The following SETX variants were observed in gnomAD, a reference collection of about 807,000 sequenced individuals.
The protein encoded by SETX is senataxin.
In SETX, 90 loss-of-function variants were observed where a neutral mutation model predicts 227.2. The ratio of observed to expected loss-of-function variants is 0.40; its 90% CI spans 0.33 to 0.47. SETX has a LOEUF of 0.47. Ranked by LOEUF, SETX falls within the 20% of genes least tolerant of loss-of-function variation. The pLI is 0.91. For missense variants in SETX, 3,052 were observed against 3,181.5 expected, an observed-to-expected ratio of 0.96 and a Z score of 0.98; for synonymous variants, 1,210 against 1,113.2, an observed-to-expected ratio of 1.09 and a Z score of -1.73.
intron 10 of SETX, among the ~76,000 whole-genome samples, chr9:132,316,676 C>T (rs12343347): frequency 0.054 from 8,294 of 152,230 alleles, 373 homozygotes; most frequent in East Asian, 0.17. Flanking sequence ...CCATCCTTTC[C>T]CCACTGATTT....
chr9:132,352,977 C>T (rs190322160), intron 2 of SETX, among the ~76,000 whole-genome samples: 5 of 152,284 alleles, frequency 3.3e-5, no homozygotes, highest in African/African-American at 7.2e-5. Flanking sequence ...TCAGTGCAAC[C>T]GCCACTGCCT....
At chr9:132,310,840 T>C (rs1845608490) in intron 11 of SETX, among the ~76,000 whole-genome samples, 1 of 152,248 alleles carries the variant, frequency 6.6e-6, no homozygotes, top group Admixed American at 6.5e-5. Flanking sequence ...TGTAGACCTT[T>C]ATGATGATCC....
intron 10 of SETX, among the ~76,000 whole-genome samples, chr9:132,325,285 G>C (rs1020935092): frequency 6.6e-6 from 1 of 152,148 alleles, no homozygotes; most frequent in African/African-American, 2.4e-5. Context: ...GAACCCGGGA[G>C]GCAGAGCTTG....
intron 20 of SETX, among the ~76,000 whole-genome samples, chr9:132,279,367 A>G (rs1007340278): frequency 9.9e-5 from 15 of 152,192 alleles, no homozygotes; most frequent in African/African-American, 3.6e-4. Flanking sequence ...TACATATGTA[A>G]CAAACCTGCA....
At position 132,261,823 on chromosome 9, in the gene SETX, T is replaced by C. The variant is rs1478087639; in HGVS notation, c.*2416A>G. 1 of 154,756 alleles carries C rather than the reference T, an allele frequency of 6.5e-6. No individual in the cohort carries two copies. The highest frequency in any genetic ancestry group is 2.4e-5 in the African/African-American group (1 of 41,522). The allele number at this position is 154,756 out of a possible 1,614,324, so 9.6% of individuals were successfully genotyped here. Reference sequence around the variant, plus strand: ...CAAGCTTTTAAGTAGCACATATTCATTTGAAATAACTAATATTGAAAGAAG... The same window carrying C: ...CAAGCTTTTAAGTAGCACATATTCACTTGAAATAACTAATATTGAAAGAAG... On this transcript the variant is annotated 3_prime_UTR_variant, in exon 26 of 26. Coordinates refer to ENST00000224140, the MANE Select transcript of SETX (RefSeq NM_015046.7).
chr9:132,280,651 C>A (rs1564481357), intron 20 of SETX, among the ~76,000 whole-genome samples: 1 of 152,204 alleles, frequency 6.6e-6, no homozygotes, highest in African/African-American at 2.4e-5. Context: ...AACAAAAATG[C>A]TTTGAAAATG....
intron 11 of SETX, among the ~76,000 whole-genome samples, chr9:132,308,400 T>C (rs544319540): frequency 1.0e-4 from 13 of 128,688 alleles, no homozygotes; most frequent in African/African-American, 5.0e-4. Flanking sequence ...CAGACCATGA[T>C]TAACTCTATA....
At chr9:132,269,808 G>A in intron 24 of SETX, 106 bp from the exon 25 acceptor site, 1 of 1,163,690 alleles carries the variant, frequency 8.6e-7, no homozygotes, top group South Asian at 1.2e-5. Flanking sequence ...GTCTGACAGA[G>A]GTGGAATCTT....
Position 132,278,142 on chromosome 9 carries a change from TG to T in SETX, c.6769del (p.Gln2257SerfsTer21), listed in dbSNP as rs764124866. 1 of 1,614,204 alleles carries T rather than the reference TG, an allele frequency of 6.2e-7. No homozygotes were observed. Among genetic ancestry groups the T allele is most frequent in the South Asian group, 1.1e-5 (1 of 91,086 alleles). ...GCATATGTCTGGATGCATCCTGTAC[TG>T]AACAGTGAGCTGTAGAATGGGCAGC... Reference protein sequence around the residue: ...SRLPILQLTVQYRMHPDICLF... With the variant: ...SRLPILQLTVXYRMHPDICLF... On this transcript the variant is annotated frameshift_variant, in exon 21 of 26. Transcript: ENST00000224140. LOFTEE classifies it high-confidence loss of function.
At chr9:132,281,290 A>C (rs1392408069) in intron 20 of SETX, among the ~76,000 whole-genome samples, 177 bp downstream of exon 20, 2 of 152,208 alleles carry the variant, frequency 1.3e-5, no homozygotes, top group African/African-American at 4.8e-5. Flanking sequence ...AACTATGACC[A>C]AATGGACATT....
chr9:132,317,973 C>A (rs1024339621), intron 10 of SETX, among the ~76,000 whole-genome samples: 2 of 152,132 alleles, frequency 1.3e-5, no homozygotes, highest in Non-Finnish European at 2.9e-5. Context: ...AAATCTTGGT[C>A]TTAATTTATC....
rs183666640 is a variant in SETX at position 132,333,692 on chromosome 9, A to C, written c.838+916T>G. Among the ~76,000 whole-genome samples the C allele has an allele frequency of 4.6e-5, 7 of 152,240 alleles. No homozygotes were observed. The East Asian group carries it at 1.2e-3, about 25-fold the overall frequency. ...TTAGCATGATACAAGCATCAGCAAAAGGAGGTCAGGATCTAATAATAAACA... is the reference window on the plus strand; with the variant it reads ...TTAGCATGATACAAGCATCAGCAAACGGAGGTCAGGATCTAATAATAAACA... On this transcript the variant is annotated intron_variant, in intron 7 of 25. Transcript: ENST00000224140.
rs1211328127 is a variant in SETX, at chr9:132,288,101, A to G, written c.6324+135T>C. On this transcript the variant is annotated intron_variant, in intron 17 of 25. Coordinates refer to ENST00000224140, the MANE Select transcript of SETX (RefSeq NM_015046.7). ...TGAGGCAGGAGGATCACCTGAACCC[A>G]GGAAGGTGAGGCTGCAGTGAGTCAG... 1.7e-5 allele frequency: 12 copies of G among 705,752 alleles called. No individual in the cohort carries two copies. The East Asian group carries it at 2.0e-4, about 12-fold the overall frequency. 43.7% of individuals were successfully genotyped at this position (705,752 alleles called of 1,614,324 possible). A position where few individuals can be genotyped will look rare whatever the true frequency, so the allele number is the denominator to read the frequency against.
At position 132,349,440 on chromosome 9, in the gene SETX, AG is replaced by A. The variant is rs761359715; in HGVS notation, c.-7-6del. ...CAACATGTGCTCATTCTGTACCTAC[AG>A]CCAGAAAAGATGACATCAAGAAGAA... On this transcript the variant is annotated splice_polypyrimidine_tract_variant and splice_region_variant and intron_variant, in intron 2 of 25. Transcript: ENST00000224140. 118 of 1,614,040 alleles carry A rather than the reference AG, an allele frequency of 7.3e-5. No homozygotes were observed. Among genetic ancestry groups the A allele is most frequent in the Non-Finnish European group, 2.1e-5 (25 of 1,180,030 alleles).
chr9:132,340,202 TC>T (rs1847873652), intron 5 of SETX, among the ~76,000 whole-genome samples: 1 of 152,152 alleles, frequency 6.6e-6, no homozygotes, highest in South Asian at 2.1e-4. Context: ...ACATTTTCTT[TC>T]TTTTTTTTAA....
chr9:132,264,241 AT>A lies in SETX; in HGVS notation c.8031del (p.Leu2677PhefsTer6). ...EDSSSKKRKL[L>X] ...CTGGCCCATGTCACTGGGCTTTCCTATAAAAGCTTTCTTTTCTTGGAACTGC... is the reference window on the plus strand; with the variant it reads ...CTGGCCCATGTCACTGGGCTTTCCTAAAAAGCTTTCTTTTCTTGGAACTGC... On this transcript the variant is annotated frameshift_variant, in exon 26 of 26. Coordinates refer to ENST00000224140, the MANE Select transcript of SETX (RefSeq NM_015046.7). LOFTEE classifies it high-confidence loss of function. The A allele has an allele frequency of 2.5e-6, 4 of 1,613,998 alleles. No homozygotes were observed. The highest frequency in any genetic ancestry group is 3.4e-6 in the Non-Finnish European group (4 of 1,180,006).
At position 132,328,188 on chromosome 9, in the gene SETX, C is replaced by T. The variant is rs62576475; in HGVS notation, c.3410G>A (p.Gly1137Asp). 135 of 1,614,020 alleles carry T rather than the reference C, an allele frequency of 8.4e-5. No homozygotes were observed. The highest frequency in any genetic ancestry group is 1.1e-4 in the Non-Finnish European group (133 of 1,180,028). ...CCGTGGTCTTGTGTGTTCTTCAATG[C>T]CCTCTGCTCCTTTTTTAACAACTTC... ...VSEVVKKGAE[G>D]IEEHTRPRSI... Residue 1137 changes from glycine to aspartate, a missense_variant, in exon 10 of 26, where the codon GGC becomes GAC. This residue lies in a region of SETX where 1,483 missense variants were observed against 1,312.0 expected (regional missense o/e 1.13). Coordinates refer to ENST00000224140, the MANE Select transcript of SETX (RefSeq NM_015046.7).
At chr9:132,349,044 T>C (rs1020184225) in intron 3 of SETX, among the ~76,000 whole-genome samples, 9 of 151,680 alleles carry the variant, frequency 5.9e-5, no homozygotes, top group African/African-American at 2.2e-4. Flanking sequence ...TAAAATGATA[T>C]ATGTATAATC....
intron 23 of SETX, among the ~76,000 whole-genome samples, chr9:132,273,601 T>C (rs1843001890): frequency 6.6e-6 from 1 of 152,286 alleles, no homozygotes. Flanking sequence ...TCAACTTCCT[T>C]TTCAGATTGT....
Sources: allele counts gnomAD v4.1 joint callset (sites outside exome capture counted in the v4.1 genomes callset), GRCh38; gene constraint gnomAD v4.1.1; regional missense constraint gnomAD v4.1.1; transcripts MANE v1.5; gene names NCBI Gene and HGNC (gene_info 2026-07-23, HGNC 2026-07-21).